The following ANKS1B variants were observed in gnomAD, a reference collection of about 807,000 sequenced individuals.
ANKS1B encodes the protein ankyrin repeat and sterile alpha motif domain containing 1B.
ANKS1B carries 36 observed loss-of-function variants against 148.3 expected under a neutral mutation model. That is an observed-to-expected ratio of 0.24 (90% confidence interval 0.19 to 0.32). The LOEUF (loss-of-function observed/expected upper bound fraction) is 0.32. Ranked by LOEUF, ANKS1B falls within the 10% of genes least tolerant of loss-of-function variation. The probability of loss-of-function intolerance (pLI) is 1.00; values close to 1 mark genes in which losing one functional copy is unlikely to be tolerated. For missense variants in ANKS1B, 1,157 were observed against 1,542.6 expected (o/e 0.75, Z 4.19); for synonymous variants, 542 against 560.8 (o/e 0.97, Z 0.47).
intron 1 of ANKS1B, among the ~76,000 whole-genome samples, chr12:99,977,256 C>T (rs1047176965): frequency 1.8e-4 from 27 of 152,136 alleles, no homozygotes; most frequent in Non-Finnish European, 3.8e-4. Flanking sequence ...CAATTCTCCC[C>T]ACCCAGCCTC....
chr12:98,937,538 C>G (rs1350948849), intron 17 of ANKS1B, among the ~76,000 whole-genome samples: 1 of 152,044 alleles, frequency 6.6e-6, no homozygotes, highest in Non-Finnish European at 1.5e-5. Flanking sequence ...CCTCTCTCAG[C>G]CTCCCACCTT....
At chr12:99,439,425 G>T (rs1039438267) in intron 11 of ANKS1B, among the ~76,000 whole-genome samples, 14 of 151,472 alleles carry the variant, frequency 9.2e-5, no homozygotes, top group Non-Finnish European at 1.5e-4. Context: ...TATCTTGTGG[G>T]GTTACAGAAG....
At chr12:98,817,714 T>C (rs1312885531) in intron 19 of ANKS1B, among the ~76,000 whole-genome samples, 2 of 152,240 alleles carry the variant, frequency 1.3e-5, no homozygotes, top group African/African-American at 2.4e-5. Flanking sequence ...AAGTTATGCA[T>C]GCACCCACTG....
At chr12:99,525,852 A>G (rs1413545755) in intron 9 of ANKS1B, among the ~76,000 whole-genome samples, 1 of 152,114 alleles carries the variant, frequency 6.6e-6, no homozygotes, top group African/African-American at 2.4e-5. Context: ...CTACTATTAA[A>G]TTTGTATAAA....
chr12:98,829,319 G>C lies in ANKS1B; in HGVS notation c.2921C>G (p.Ser974Cys). The C allele has an allele frequency of 1.2e-6, 2 of 1,613,996 alleles. No homozygotes were observed. Among genetic ancestry groups the C allele is most frequent in the Non-Finnish European group, 1.7e-6 (2 of 1,179,864 alleles). ...GTAAGTGCTTTGGCTAAGTGATGGA[G>C]ACAACTGAGGAGGAGTGTGATTACC... ...PSGNHTPPQL[S>C]PSLSQSTYTT... Residue 974 changes from serine (S) to cysteine (C), a missense_variant, in exon 19 of 27, where the codon TCT (serine) becomes TGT (cysteine). Transcript: ENST00000683438. The surrounding 1 kb of genome is among the most constrained non-coding windows in gnomAD (Gnocchi z 5.2).
intron 12 of ANKS1B, among the ~76,000 whole-genome samples, chr12:99,366,626 T>C (rs891768902): frequency 6.6e-6 from 1 of 152,276 alleles, no homozygotes; most frequent in South Asian, 2.1e-4. Flanking sequence ...ATAAGTGATA[T>C]TGGTTCAGCT....
At chr12:99,317,356 G>C (rs1320587637) in intron 12 of ANKS1B, among the ~76,000 whole-genome samples, 4 of 152,144 alleles carry the variant, frequency 2.6e-5, no homozygotes, top group African/African-American at 9.7e-5. Flanking sequence ...GTGGTTTGTA[G>C]TTCTCCTTGA....
intron 22 of ANKS1B, among the ~76,000 whole-genome samples, chr12:98,796,111 AATGTTCAC>A (rs1336319416): frequency 6.6e-6 from 1 of 152,110 alleles, no homozygotes; most frequent in African/African-American, 2.4e-5. Flanking sequence ...GGGGTAATTA[AATGTTCAC>A]ATGTTGGTTT....
chr12:98,765,139 C>G (rs1198963923), intron 25 of ANKS1B, among the ~76,000 whole-genome samples: 3 of 152,192 alleles, frequency 2.0e-5, no homozygotes, highest in Non-Finnish European at 4.4e-5. Context: ...TCCTCGGCAG[C>G]TAAGAGTTAT....
At chr12:99,219,366 A>G (rs1204740021) in intron 14 of ANKS1B, among the ~76,000 whole-genome samples, 2 of 152,166 alleles carry the variant, frequency 1.3e-5, no homozygotes, top group East Asian at 1.9e-4. Flanking sequence ...ATGATTATCA[A>G]AAAAGATAAT....
At chr12:99,678,771 C>T (rs990736295) in intron 8 of ANKS1B, among the ~76,000 whole-genome samples, 1 of 152,190 alleles carries the variant, frequency 6.6e-6, no homozygotes, top group Non-Finnish European at 1.5e-5. Flanking sequence ...CTGAGCAGTA[C>T]AGGTGTTGAC....
At chr12:99,491,043 C>A (rs535762560) in intron 10 of ANKS1B, among the ~76,000 whole-genome samples, 1 of 152,170 alleles carries the variant, frequency 6.6e-6, no homozygotes, top group East Asian at 1.9e-4. Context: ...TAAGGCTGGG[C>A]GTAGTGGCTC....
chr12:99,413,347 T>C (rs949266932), intron 11 of ANKS1B, among the ~76,000 whole-genome samples: 2 of 152,130 alleles, frequency 1.3e-5, no homozygotes, highest in Non-Finnish European at 2.9e-5. Flanking sequence ...TTCAAATTGA[T>C]TGCATTTTCC....
intron 17 of ANKS1B, among the ~76,000 whole-genome samples, chr12:98,880,562 C>T (rs537054583): frequency 1.3e-5 from 2 of 151,918 alleles, no homozygotes; most frequent in Non-Finnish European, 2.9e-5. Context: ...GTCAGGAGAT[C>T]GAGACCATCC....
intron 14 of ANKS1B, among the ~76,000 whole-genome samples, chr12:99,185,562 A>G (rs1289730644): frequency 6.6e-6 from 1 of 152,066 alleles, no homozygotes; most frequent in African/African-American, 2.4e-5. Flanking sequence ...TCTCATTGGG[A>G]CGGTTAGACA....
chr12:99,001,907 C>T (rs1259002711), intron 17 of ANKS1B, among the ~76,000 whole-genome samples: 1 of 152,146 alleles, frequency 6.6e-6, no homozygotes. Context: ...CAGTATTTAT[C>T]TTTCTTCATT....
intron 1 of ANKS1B, among the ~76,000 whole-genome samples, chr12:99,865,808 G>C (rs1453171437): frequency 6.6e-6 from 1 of 152,070 alleles, no homozygotes; most frequent in African/African-American, 2.4e-5. Flanking sequence ...AAATTTCCCA[G>C]TGAACATTTG....
intron 17 of ANKS1B, among the ~76,000 whole-genome samples, chr12:98,928,455 C>T (rs2099810769): frequency 6.6e-6 from 1 of 151,790 alleles, no homozygotes; most frequent in Non-Finnish European, 1.5e-5. Flanking sequence ...ACACTGACAC[C>T]ATAATGAGAC....
At chr12:99,731,567 A>G (rs2059163382) in intron 8 of ANKS1B, among the ~76,000 whole-genome samples, 1 of 152,142 alleles carries the variant, frequency 6.6e-6, no homozygotes, top group Admixed American at 6.6e-5. Context: ...AGGTAATTCA[A>G]TGAGAATACT....
Sources: allele counts gnomAD v4.1 joint callset (sites outside exome capture counted in the v4.1 genomes callset), GRCh38; gene constraint gnomAD v4.1.1; non-coding constraint Gnocchi (gnomAD v3.1); transcripts MANE v1.5; gene names NCBI Gene and HGNC (gene_info 2026-07-23, HGNC 2026-07-21).